The following SLC30A4 variants were observed in gnomAD, a reference collection of about 807,000 sequenced individuals.
SLC30A4 encodes the protein probable proton-coupled zinc antiporter SLC30A4.
In SLC30A4, 20 loss-of-function variants were observed where a neutral mutation model predicts 41.7. The observed-to-expected ratio is 0.48, with a 90% CI of 0.34 to 0.70. The LOEUF is 0.70. Among genes scored for constraint, SLC30A4 ranks in the 30% least tolerant of loss-of-function variants. The pLI, the probability that SLC30A4 is intolerant of heterozygous loss-of-function variation, is 0.01. For missense variants in SLC30A4, 441 were observed against 529.3 expected, an observed-to-expected ratio of 0.83 and a Z score of 1.64; for synonymous variants, 181 against 195.9, an observed-to-expected ratio of 0.92 and a Z score of 0.64.
In SLC30A4 at chr15:45,489,040, A is replaced by C; in HGVS notation, c.695T>G (p.Met232Arg). Residue 232 changes from methionine (M) to arginine (R), a missense_variant and splice_region_variant, in exon 5 of 8, where the codon ATG becomes AGG. By Grantham distance (91) the Met-to-Arg change is moderately conservative (BLOSUM62 -1). This residue lies in a region of SLC30A4 where 312 missense variants were observed against 341.9 expected (regional missense o/e 0.91). Transcript: ENST00000261867. ...AAVGVAVNVI[M>R]GFLLNQSGHR... Reference sequence around the variant, plus strand: ...ACCAGACTGGTTCAACAGAAACCCCATTCTGTTAAAAATAAAAGAAAACAT... The same window carrying C: ...ACCAGACTGGTTCAACAGAAACCCCCTTCTGTTAAAAATAAAAGAAAACAT... 1 of 1,598,138 alleles carries C rather than the reference A, an allele frequency of 6.3e-7. No individual in the cohort carries two copies. The highest frequency in any genetic ancestry group is 1.3e-5 in the African/African-American group (1 of 74,320).
rs1891577233 is a variant in SLC30A4 at position 45,479,609 on chromosome 15, A to C, written c.*5554T>G. 1 of 152,152 alleles carries C rather than the reference A, an allele frequency of 6.6e-6. No individual in the cohort carries two copies. The highest frequency in any genetic ancestry group is 1.5e-5 in the Non-Finnish European group (1 of 68,038). 9.4% of individuals were successfully genotyped at this position (152,152 alleles called of 1,614,324 possible). A position where few individuals can be genotyped will look rare whatever the true frequency, so the allele number is the denominator to read the frequency against. The stretch of plus-strand genomic sequence containing the variant: ...TTTAATTAATCTTTCCATACTATCC[A>C]GAAGATTTTTTTCAGTTTTATTTCT... On this transcript the variant is annotated 3_prime_UTR_variant, in exon 8 of 8. Coordinates refer to ENST00000261867, the MANE Select transcript of SLC30A4 (RefSeq NM_013309.6).
intron 2 of SLC30A4, among the ~76,000 whole-genome samples, chr15:45,517,415 GTGATC>G (rs1566883318): frequency 2.1e-5 from 3 of 140,058 alleles, no homozygotes; most frequent in Non-Finnish European, 3.0e-5. Flanking sequence ...GTGCAACAGC[GTGATC>G]TCGGCTCACC....
At chr15:45,497,772 T>G (rs571587489) in intron 3 of SLC30A4, among the ~76,000 whole-genome samples, 1 of 152,348 alleles carries the variant, frequency 6.6e-6, no homozygotes, top group Non-Finnish European at 1.5e-5. Context: ...ATTCCTTCGC[T>G]GTCATCCTCT....
Position 45,488,957 on chromosome 15 carries a change from A to T in SLC30A4, c.778T>A (p.Cys260Ser). ...CTATCCTGCCCATGGTTACGTTCAC[A>T]CCCAGAACCTCTGGTAGGGGAATTT... ...PSNSPTRGSG[C>S]ERNHGQDSLA... Residue 260 changes from cysteine to serine, a missense_variant, in exon 5 of 8, where the codon TGT becomes AGT. Transcript: ENST00000261867. 6.2e-7 allele frequency: 1 copy of T among 1,614,132 alleles called. No individual in the cohort carries two copies.
At chr15:45,510,604 G>A (rs1242725461) in intron 3 of SLC30A4, among the ~76,000 whole-genome samples, 1 of 152,210 alleles carries the variant, frequency 6.6e-6, no homozygotes, top group Non-Finnish European at 1.5e-5. Context: ...GAGCTGTGTA[G>A]ATAGCAATGT....
Position 45,481,814 on chromosome 15 carries a change from C to G in SLC30A4, c.*3349G>C, listed in dbSNP as rs959575785. ...AAAGTGAAATCAAATTCTCAAATCT[C>G]ATAGACTCCGTAAGGTAAAGATACA... is the stretch of plus-strand genomic sequence containing the variant. On this transcript the variant is annotated 3_prime_UTR_variant, in exon 8 of 8. Transcript: ENST00000261867. The G allele has an allele frequency of 2.6e-5, 4 of 152,152 alleles. No individual in the cohort carries two copies. Among genetic ancestry groups the G allele is most frequent in the African/African-American group, 9.7e-5 (4 of 41,422 alleles). 9.4% of individuals were successfully genotyped at this position (152,152 alleles called of 1,614,324 possible).
chr15:45,521,009 G>A (rs1892650625), intron 2 of SLC30A4: 1 of 466,992 alleles, frequency 2.1e-6, no homozygotes, highest in Non-Finnish European at 4.4e-6. Context: ...CCCTGGGGAG[G>A]AGTGTTATGA....
Position 45,481,743 on chromosome 15 carries a change from GTCCTA to G in SLC30A4, c.*3415_*3419del, listed in dbSNP as rs1208598115. The G allele has an allele frequency of 6.6e-6, 1 of 152,124 alleles. No homozygotes were observed. Among genetic ancestry groups the G allele is most frequent in the Non-Finnish European group, 1.5e-5 (1 of 68,034 alleles). The allele number at this position is 152,124 out of a possible 1,614,324, so 9.4% of individuals were successfully genotyped here. ...TTTGTCAGAAGTCATTCAGTCCTTGGTCCTATCTGCTAAGTTAATGTCCTTTTCTG... is the reference window on the plus strand; with the variant it reads ...TTTGTCAGAAGTCATTCAGTCCTTGGTCTGCTAAGTTAATGTCCTTTTCTG... On this transcript the variant is annotated 3_prime_UTR_variant, in exon 8 of 8. Transcript: ENST00000261867.
At chr15:45,504,405 C>A (rs1479564822) in intron 3 of SLC30A4, among the ~76,000 whole-genome samples, 3 of 152,128 alleles carry the variant, frequency 2.0e-5, no homozygotes, top group Non-Finnish European at 4.4e-5. Context: ...TAGAGACGGA[C>A]AAGAACTCCT....
Position 45,506,194 on chromosome 15 carries a change from G to A in SLC30A4, c.538+4944C>T, listed in dbSNP as rs567338867. ...AGATCACGCCACTGCACTCCAGCCT[G>A]GACAACGGAGTGAGACCCACTCTCA... On this transcript the variant is annotated intron_variant, in intron 3 of 7. Transcript: ENST00000261867. 1.1e-3 allele frequency among the ~76,000 whole-genome samples: 173 copies of A among 152,172 alleles called. 2 individuals carry two copies. In the Middle Eastern group the frequency reaches 0.02, roughly 18 times the overall value.
intron 3 of SLC30A4, among the ~76,000 whole-genome samples, chr15:45,499,811 C>A (rs1891984304): frequency 6.6e-6 from 1 of 152,032 alleles, no homozygotes; most frequent in African/African-American, 2.4e-5. Context: ...CTACAAAAAG[C>A]TGATTGTAGT....
intron 1 of SLC30A4, 35 bp downstream of exon 1, chr15:45,522,572 G>T (rs1277773779): frequency 8.2e-6 from 4 of 488,636 alleles, no homozygotes; most frequent in African/African-American, 8.1e-5. Flanking sequence ...CGCTCCGCCG[G>T]GGCTCCGCGA....
rs533951676 is a variant in SLC30A4, at chr15:45,509,570, G to C, written c.538+1568C>G. 2.8e-4 allele frequency among the ~76,000 whole-genome samples: 42 copies of C among 152,036 alleles called. No individual in the cohort carries two copies. In the East Asian group the frequency reaches 7.2e-3, roughly 26 times the overall value. ...TGCCTGGCCAGGAACACATTCACATGCATTATGCAGTAGCTTAACAAAAGA... is the reference window on the plus strand; with the variant it reads ...TGCCTGGCCAGGAACACATTCACATCCATTATGCAGTAGCTTAACAAAAGA... On this transcript the variant is annotated intron_variant, in intron 3 of 7. Transcript: ENST00000261867.
At chr15:45,500,273 C>T (rs1257369831) in intron 3 of SLC30A4, among the ~76,000 whole-genome samples, 1 of 152,124 alleles carries the variant, frequency 6.6e-6, no homozygotes. Context: ...TACTCTATGC[C>T]AGAACCATGT....
intron 3 of SLC30A4, among the ~76,000 whole-genome samples, chr15:45,503,209 A>G (rs891667663): frequency 1.6e-4 from 24 of 152,186 alleles, no homozygotes; most frequent in Admixed American, 3.3e-4. Flanking sequence ...TTACAGAAGG[A>G]GAAGCAAAGG....
At position 45,486,639 on chromosome 15, in the gene SLC30A4, T is replaced by C; in HGVS notation, c.1107A>G (p.Lys369=). The part of the protein sequence containing the change: ...DLNIWSLTSG[K]STAIVHIQLI... The stretch of plus-strand genomic sequence containing the variant: ...GCTGTATGTGAACTATGGCAGTAGA[T>C]TTTCCTGAAGTGAGAGACCAGATAT... The change falls in exon 7 of 8, where the codon AAA becomes AAG. Residue 369 remains lysine, a synonymous_variant. Coordinates refer to ENST00000261867, the MANE Select transcript of SLC30A4 (RefSeq NM_013309.6). The C allele has an allele frequency of 6.2e-7, 1 of 1,604,952 alleles. No individual in the cohort carries two copies. The highest frequency in any genetic ancestry group is 8.5e-7 in the Non-Finnish European group (1 of 1,177,044).
intron 5 of SLC30A4, among the ~76,000 whole-genome samples, chr15:45,487,990 T>TGTGG (rs1891740888): frequency 1.3e-5 from 2 of 151,026 alleles, no homozygotes; most frequent in African/African-American, 4.9e-5. Context: ...TGTGTGTGTG[T>TGTGG]GTGTGTGTGT....
intron 2 of SLC30A4, among the ~76,000 whole-genome samples, chr15:45,515,409 C>G (rs933566886): frequency 2.0e-5 from 3 of 152,060 alleles, no homozygotes; most frequent in African/African-American, 7.2e-5. Flanking sequence ...AATCCCAGCA[C>G]TTTGGGAGGC....
intron 7 of SLC30A4, among the ~76,000 whole-genome samples, chr15:45,485,650 A>C (rs1891685978): frequency 1.3e-5 from 2 of 152,144 alleles, no homozygotes; most frequent in South Asian, 4.2e-4. Context: ...CTGTGAAATG[A>C]CTTGAAGAAA....
Sources: gnomAD v4.1 joint callset for allele counts (sites outside exome capture counted in the v4.1 genomes callset) on GRCh38, gnomAD v4.1.1 for gene constraint, gnomAD v4.1.1 regional missense constraint, MANE v1.5 for transcripts, NCBI Gene and HGNC (gene_info 2026-07-23, HGNC 2026-07-21) for gene names.